Variants in MME observed in about 807,000 individuals in gnomAD.
The protein encoded by MME is membrane metalloendopeptidase.
Under a neutral mutation model 113.2 loss-of-function variants are expected in MME, and 98 were observed. That is an observed-to-expected ratio of 0.87 (90% CI 0.74 to 1.02). The LOEUF (loss-of-function observed/expected upper bound fraction) is 1.02. Among genes scored for constraint, MME ranks in the 50% least tolerant of loss-of-function variants. The pLI, the probability that MME is intolerant of heterozygous loss-of-function variation, is 0.00. For missense variants in MME, 836 were observed against 896.0 expected (o/e 0.93, Z 0.86); for synonymous variants, 292 against 300.6 (o/e 0.97, Z 0.30).
chr3:155,103,464 G>A (rs1015270907), intron 3 of MME, among the ~76,000 whole-genome samples: 1 of 152,190 alleles, frequency 6.6e-6, no homozygotes, highest in African/African-American at 2.4e-5. Context: ...TTCTTTGCTA[G>A]CAATAAAGTC....
At chr3:155,154,054 C>T (rs922283228) in intron 16 of MME, among the ~76,000 whole-genome samples, 1 of 152,124 alleles carries the variant, frequency 6.6e-6, no homozygotes. Context: ...TAAACCTTTA[C>T]TTATTAGTAA....
chr3:155,177,812 A>G (rs1458756475), intron 22 of MME, among the ~76,000 whole-genome samples: 1 of 152,058 alleles, frequency 6.6e-6, no homozygotes, highest in Admixed American at 6.5e-5. Context: ...TTTTCAACGT[A>G]CTCTTTCAGG....
chr3:155,168,005 G>A (rs1238840369), intron 18 of MME, among the ~76,000 whole-genome samples: 1 of 152,168 alleles, frequency 6.6e-6, no homozygotes. Flanking sequence ...GAGAAAGATC[G>A]ATGTAGTTTG....
intron 3 of MME, among the ~76,000 whole-genome samples, chr3:155,097,042 A>T (rs1156339550): frequency 6.6e-6 from 1 of 152,194 alleles, no homozygotes; most frequent in Non-Finnish European, 1.5e-5. Flanking sequence ...AAGGTAACTC[A>T]AGTTTCTGGC....
At chr3:155,063,661 A>G (rs1020116712) in intron 1 of MME, among the ~76,000 whole-genome samples, 39 of 105,330 alleles carry the variant, frequency 3.7e-4, no homozygotes, top group African/African-American at 1.4e-3. Flanking sequence ...TGATTATATA[A>G]CATATTATAT....
chr3:155,114,840 A>T (rs1262389228), intron 3 of MME, among the ~76,000 whole-genome samples, 154 bp from the exon 4 acceptor site: 3 of 152,248 alleles, frequency 2.0e-5, no homozygotes, highest in African/African-American at 7.2e-5. Context: ...CACAGATAGT[A>T]TTCCTCATCC....
intron 22 of MME, 32 bp downstream of exon 22, chr3:155,172,644 C>T (rs201231263): frequency 6.1e-6 from 9 of 1,476,426 alleles, no homozygotes; most frequent in Non-Finnish European, 7.6e-6. Flanking sequence ...TCAAGGTGCT[C>T]TTATATTGGG....
At chr3:155,172,502 G>T in intron 21 of MME, 34 bp from the exon 22 acceptor site, 1 of 1,511,398 alleles carries the variant, frequency 6.6e-7, no homozygotes, top group Non-Finnish European at 9.2e-7. Flanking sequence ...TTGAACCTGA[G>T]TACATGCTTT....
chr3:155,143,119 A>T (rs1836917), intron 12 of MME, among the ~76,000 whole-genome samples: 1 of 151,926 alleles, frequency 6.6e-6, no homozygotes, highest in East Asian at 1.9e-4. Flanking sequence ...CCCCCATTAC[A>T]TTTATTGAAT....
chr3:155,129,114 C>G (rs1056288780), intron 8 of MME, among the ~76,000 whole-genome samples: 2 of 152,102 alleles, frequency 1.3e-5, no homozygotes, highest in Non-Finnish European at 2.9e-5. Context: ...GGCATAGGGT[C>G]ACCAACTTTT....
At chr3:155,063,267 T>TAATG (rs1370785674) in intron 1 of MME, among the ~76,000 whole-genome samples, 1 of 115,866 alleles carries the variant, frequency 8.6e-6, no homozygotes, top group East Asian at 2.3e-4. Context: ...ATAATGTATA[T>TAATG]TATTTATATA....
intron 1 of MME, among the ~76,000 whole-genome samples, chr3:155,072,482 T>G (rs1027810844): frequency 6.6e-6 from 1 of 152,250 alleles, no homozygotes; most frequent in African/African-American, 2.4e-5. Context: ...GTTTTCTTGC[T>G]TTTTCATTCA....
At chr3:155,073,922 A>G (rs1714662065) in intron 1 of MME, among the ~76,000 whole-genome samples, 1 of 152,172 alleles carries the variant, frequency 6.6e-6, no homozygotes, top group African/African-American at 2.4e-5. Flanking sequence ...TCTTATAAAT[A>G]TGAGTAATAT....
chr3:155,110,970 A>T (rs1204665878), intron 3 of MME, among the ~76,000 whole-genome samples: 2 of 152,244 alleles, frequency 1.3e-5, no homozygotes, highest in Non-Finnish European at 2.9e-5. Context: ...ATTAAGGTGA[A>T]CAATTTAGTC....
At position 155,088,219 on chromosome 3, in the gene MME, C is replaced by T. The variant is rs980750626; in HGVS notation, c.196+3125C>T. The stretch of plus-strand genomic sequence containing the variant: ...ACACACACACTCGTGCGCGCACACA[C>T]ACACACACACACAGTCTTCTGCTGG... On this transcript the variant is annotated intron_variant, in intron 3 of 22. Transcript: ENST00000360490. Among the ~76,000 whole-genome samples the T allele has an allele frequency of 2.0e-5, 3 of 152,026 alleles. No individual in the cohort carries two copies. In the South Asian group the frequency reaches 6.2e-4, roughly 32 times the overall value.
chr3:155,151,768 T>A (rs571652856), intron 16 of MME, among the ~76,000 whole-genome samples: 28 of 151,438 alleles, frequency 1.8e-4, no homozygotes, highest in South Asian at 1.3e-3. Context: ...ATCTCCATTT[T>A]AAAAAAAAAG....
intron 1 of MME, among the ~76,000 whole-genome samples, chr3:155,046,115 A>G (rs1052723882): frequency 1.3e-5 from 2 of 152,028 alleles, no homozygotes; most frequent in Non-Finnish European, 2.9e-5. Flanking sequence ...CTATCCATGT[A>G]TGTTAGACTT....
chr3:155,126,011 G>A (rs1007980190), intron 8 of MME, among the ~76,000 whole-genome samples: 37 of 152,234 alleles, frequency 2.4e-4, no homozygotes, highest in African/African-American at 8.7e-4. Flanking sequence ...TATGAAGTTC[G>A]AATAACATGG....
intron 1 of MME, among the ~76,000 whole-genome samples, chr3:155,072,029 C>T (rs1010633090): frequency 6.6e-6 from 1 of 151,936 alleles, no homozygotes; most frequent in South Asian, 2.1e-4. Context: ...GGCGCGGTGG[C>T]GGGCGCCTGT....
Sources: allele counts gnomAD v4.1 joint callset (sites outside exome capture counted in the v4.1 genomes callset), GRCh38; gene constraint gnomAD v4.1.1; transcripts MANE v1.5; gene names NCBI Gene and HGNC (gene_info 2026-07-23, HGNC 2026-07-21).